RGS17: variants seen among roughly 807,000 people sequenced by gnomAD.
The protein encoded by RGS17 is regulator of G protein signaling 17, also known as regulator of G-protein signaling 17.
In RGS17, 12 loss-of-function variants were observed where a neutral mutation model predicts 25.5. That is an observed-to-expected ratio of 0.47 (90% CI 0.30 to 0.76). RGS17 has a LOEUF of 0.76. RGS17 is among the 30% of genes least tolerant of loss of function. The pLI, the probability that RGS17 is intolerant of heterozygous loss-of-function variation, is 0.07. For synonymous variants in RGS17, 71 were observed against 76.9 expected, an observed-to-expected ratio of 0.92 and a Z score of 0.40; for missense variants, 196 against 242.2, an observed-to-expected ratio of 0.81 and a Z score of 1.27.
chr6:153,072,613 T>C (rs766383555), intron 1 of RGS17, among the ~76,000 whole-genome samples: 5 of 152,210 alleles, frequency 3.3e-5, no homozygotes, highest in South Asian at 2.1e-4. Flanking sequence ...CAAGAATTCC[T>C]AGGCAACATG....
intron 1 of RGS17, among the ~76,000 whole-genome samples, chr6:153,069,285 T>C (rs1776750683): frequency 6.6e-6 from 1 of 152,128 alleles, no homozygotes; most frequent in African/African-American, 2.4e-5. Context: ...AAGAATGAGA[T>C]CCTGTAATTT....
At position 153,011,609 on chromosome 6, in the gene RGS17, CA is replaced by C; in HGVS notation, c.597del (p.Phe199LeufsTer24). 6.2e-7 allele frequency: 1 copy of C among 1,610,920 alleles called. No homozygotes were observed. Among genetic ancestry groups the C allele is most frequent in the Non-Finnish European group, 8.5e-7 (1 of 1,178,308 alleles). On this transcript the variant is annotated frameshift_variant, in exon 5 of 5. Transcript: ENST00000206262. LOFTEE classifies it high-confidence loss of function. ...RFLNSQIYKSFVESTAGSSSE... is the reference protein window; with the variant it reads ...RFLNSQIYKSXVESTAGSSSE... ...GAAGAAGAGCCAGCAGTACTTTCAA[CA>C]AATGACTTATAAATTTGAGAGTTCA...
intron 1 of RGS17, among the ~76,000 whole-genome samples, chr6:153,124,722 CTTT>C (rs1247293634): frequency 6.6e-6 from 1 of 152,180 alleles, no homozygotes; most frequent in East Asian, 1.9e-4. Flanking sequence ...AAGTCTCCTT[CTTT>C]TAAGGGCAAT....
In RGS17 at chr6:153,011,655, T is replaced by C. The variant is rs1265797116; in HGVS notation, c.552A>G (p.Arg184=). Residue 184 remains arginine (R), a synonymous_variant, in exon 5 of 5, where the codon AGA becomes AGG. Coordinates refer to ENST00000206262, the MANE Select transcript of RGS17 (RefSeq NM_012419.5). ...AQLQIYTLMH[R]DSFPRFLNSQ... ...AGTTCAAAAACCTTGGAAAAGAATC[T>C]CTGTGCATTAAAGTATATATCTGAA... The C allele has an allele frequency of 1.2e-6, 2 of 1,612,628 alleles. No homozygotes were observed. The highest frequency in any genetic ancestry group is 2.7e-5 in the African/African-American group (2 of 74,884).
chr6:153,123,307 T>C (rs1222843983), intron 1 of RGS17, among the ~76,000 whole-genome samples: 3 of 152,084 alleles, frequency 2.0e-5, no homozygotes, highest in African/African-American at 7.2e-5. Context: ...AGCATACATT[T>C]TTACTTATTA....
chr6:153,104,569 G>A (rs1777351859), intron 1 of RGS17, among the ~76,000 whole-genome samples: 1 of 152,110 alleles, frequency 6.6e-6, no homozygotes. Context: ...CATGTCAGAC[G>A]GATTCATTAA....
At chr6:153,053,592 G>C (rs1401981701) in intron 1 of RGS17, among the ~76,000 whole-genome samples, 1 of 152,060 alleles carries the variant, frequency 6.6e-6, no homozygotes, top group African/African-American at 2.4e-5. Flanking sequence ...TTTGAGACCA[G>C]CCTGGTAACA....
chr6:153,109,649 T>C (rs374422319), intron 1 of RGS17, among the ~76,000 whole-genome samples: 2 of 115,152 alleles, frequency 1.7e-5, no homozygotes, highest in Non-Finnish European at 3.6e-5. Flanking sequence ...AGTAAAGCCA[T>C]TAGAAAAAAA....
Position 153,053,178 on chromosome 6 carries a change from T to C in RGS17, c.-25-9135A>G, listed in dbSNP as rs550161451. Among the ~76,000 whole-genome samples, 3 of 152,372 alleles carry C rather than the reference T, an allele frequency of 2.0e-5. No individual in the cohort carries two copies. In the East Asian group the frequency reaches 5.8e-4, roughly 29 times the overall value. ...ATTTTAAAATGGTGATATTGTTATATGTTAATATATAAAACAGCTCTTAAA... is the reference window on the plus strand; with the variant it reads ...ATTTTAAAATGGTGATATTGTTATACGTTAATATATAAAACAGCTCTTAAA... On this transcript the variant is annotated intron_variant, in intron 1 of 4. Transcript: ENST00000206262.
At chr6:153,108,246 C>T (rs1419876956) in intron 1 of RGS17, among the ~76,000 whole-genome samples, 2 of 152,212 alleles carry the variant, frequency 1.3e-5, no homozygotes, top group African/African-American at 4.8e-5. Context: ...TCCATCTTAT[C>T]ACCTAATATG....
intron 1 of RGS17, among the ~76,000 whole-genome samples, chr6:153,121,471 A>G (rs183730174): frequency 1.8e-4 from 28 of 152,322 alleles, no homozygotes; most frequent in Admixed American, 1.4e-3. Flanking sequence ...AACTACATTC[A>G]GTGATCCTAC....
chr6:153,040,681 A>T (rs1776309848), intron 2 of RGS17, among the ~76,000 whole-genome samples: 1 of 152,032 alleles, frequency 6.6e-6, no homozygotes. Flanking sequence ...AATCTGAAGA[A>T]CATTTATTTC....
rs113505502 is a variant in RGS17 at position 153,085,861 on chromosome 6, G to A, written c.-25-41818C>T. Among the ~76,000 whole-genome samples the A allele has an allele frequency of 5.6e-3, 854 of 152,210 alleles. 5 individuals are homozygous for A. Among genetic ancestry groups the A allele is most frequent in the Non-Finnish European group, 0.01 (695 of 68,016 alleles). On this transcript the variant is annotated intron_variant, in intron 1 of 4. Transcript: ENST00000206262. ...AGTATGAAAATCATGAGCTTACCAT[G>A]CAGATTTAAATGACTTTATTTAAAG...
intron 1 of RGS17, among the ~76,000 whole-genome samples, chr6:153,083,690 G>A (rs9479504): frequency 0.4 from 60,132 of 152,068 alleles, 12,734 homozygotes; most frequent in Non-Finnish European, 0.48. Flanking sequence ...TGAAATGCAA[G>A]TAAAGTATTG....
At chr6:153,069,497 A>G (rs1030427102) in intron 1 of RGS17, among the ~76,000 whole-genome samples, 14 of 152,050 alleles carry the variant, frequency 9.2e-5, no homozygotes, top group African/African-American at 3.4e-4. Context: ...GGGGATGGAT[A>G]ATGGGTGGAA....
At chr6:153,058,532 T>C (rs960566844) in intron 1 of RGS17, among the ~76,000 whole-genome samples, 17 of 152,210 alleles carry the variant, frequency 1.1e-4, no homozygotes, top group African/African-American at 3.9e-4. Context: ...TAACCGTCGC[T>C]GTCTTGTCAT....
chr6:153,028,829 T>C (rs1779330782), intron 2 of RGS17, among the ~76,000 whole-genome samples: 1 of 152,210 alleles, frequency 6.6e-6, no homozygotes, highest in African/African-American at 2.4e-5. Flanking sequence ...CTTGAGTTTA[T>C]TTTTATTACA....
intron 2 of RGS17, among the ~76,000 whole-genome samples, chr6:153,033,940 A>C (rs1018313865): frequency 1.3e-4 from 20 of 152,174 alleles, no homozygotes; most frequent in African/African-American, 4.6e-4. Flanking sequence ...TTTAGTTAGG[A>C]GCAATAATAG....
At chr6:153,093,592 G>A (rs1205430124) in intron 1 of RGS17, among the ~76,000 whole-genome samples, 2 of 152,166 alleles carry the variant, frequency 1.3e-5, no homozygotes, top group East Asian at 3.8e-4. Flanking sequence ...AAAGTGGTGA[G>A]AATACTGGAA....
Sources: allele counts gnomAD v4.1 joint callset (sites outside exome capture counted in the v4.1 genomes callset), GRCh38; gene constraint gnomAD v4.1.1; transcripts MANE v1.5; gene names NCBI Gene and HGNC (gene_info 2026-07-23, HGNC 2026-07-21).